Variants in TBC1D23 observed in about 807,000 individuals in gnomAD.
TBC1D23 encodes the protein TBC1 domain family member 23, also known as HCV non-structural protein 4A-transactivated protein 1.
In TBC1D23, 55 loss-of-function variants were observed where a neutral mutation model predicts 91.4. The ratio of observed to expected loss-of-function variants is 0.60; its 90% CI spans 0.48 to 0.75. The LOEUF (loss-of-function observed/expected upper bound fraction) is 0.75. Among genes scored for constraint, TBC1D23 ranks in the 30% least tolerant of loss-of-function variants. TBC1D23 has a pLI of 0.00. For synonymous variants in TBC1D23, 289 were observed against 281.0 expected (o/e 1.03, Z -0.28); for missense variants, 725 against 836.1 (o/e 0.87, Z 1.64).
chr3:100,314,195 T>C (rs1457713811), intron 15 of TBC1D23, among the ~76,000 whole-genome samples: 2 of 143,032 alleles, frequency 1.4e-5, no homozygotes, highest in Non-Finnish European at 3.0e-5. Context: ...GCCTCCTGGG[T>C]TCAAGTGATT....
At chr3:100,264,871 G>A (rs1380508325) in intron 1 of TBC1D23, among the ~76,000 whole-genome samples, 1 of 152,042 alleles carries the variant, frequency 6.6e-6, no homozygotes, top group Non-Finnish European at 1.5e-5. Flanking sequence ...AATTATCTGG[G>A]GAGCTTGTTA....
At position 100,290,570 on chromosome 3, in the gene TBC1D23, T is replaced by C; in HGVS notation, c.477-8T>C. 6.2e-7 allele frequency: 1 copy of C among 1,611,872 alleles called. No homozygotes were observed. Among genetic ancestry groups the C allele is most frequent in the Non-Finnish European group, 8.5e-7 (1 of 1,179,356 alleles). ...ATGCAAAAAAATTTTGCTTCTCTTGTCTTCTAGGGATTGTTCCCAGAAAGG... is the reference window on the plus strand; with the variant it reads ...ATGCAAAAAAATTTTGCTTCTCTTGCCTTCTAGGGATTGTTCCCAGAAAGG... On this transcript the variant is annotated splice_polypyrimidine_tract_variant and splice_region_variant and intron_variant, in intron 4 of 18. Transcript: ENST00000394144.
At chr3:100,319,353 A>G (rs1705809377) in intron 17 of TBC1D23, 149 bp downstream of exon 17, 3 of 665,156 alleles carry the variant, frequency 4.5e-6, no homozygotes, top group Non-Finnish European at 7.4e-6. Context: ...TTGAATTTAC[A>G]GTATTATGTA....
rs146649001 is a variant in TBC1D23, at chr3:100,324,488, T to C, written c.*820T>C. 89 of 152,356 alleles carry C rather than the reference T, an allele frequency of 5.8e-4. No homozygotes were observed. Among genetic ancestry groups the C allele is most frequent in the African/African-American group, 1.9e-3 (77 of 41,592 alleles). 9.4% of individuals were successfully genotyped at this position (152,356 alleles called of 1,614,324 possible). A position where few individuals can be genotyped will look rare whatever the true frequency, so the allele number is the denominator to read the frequency against. ...TTTTAAAACAAATGTTTAAGCCACA[T>C]TGATTTATCCTCATTGAGGATTATG... On this transcript the variant is annotated 3_prime_UTR_variant, in exon 19 of 19. Transcript: ENST00000394144.
At chr3:100,315,795 G>T (rs1297851998) in intron 15 of TBC1D23, 3 of 317,242 alleles carry the variant, frequency 9.5e-6, no homozygotes, top group South Asian at 4.9e-5. Flanking sequence ...AATAACTTCC[G>T]CAAGGCCAAA....
In TBC1D23 at chr3:100,283,750, C is replaced by T. The variant is rs759893615; in HGVS notation, c.415C>T (p.Gln139Ter). 6.2e-7 allele frequency: 1 copy of T among 1,613,464 alleles called. No individual in the cohort carries two copies. The highest frequency in any genetic ancestry group is 1.3e-5 in the African/African-American group (1 of 75,022). The stretch of plus-strand genomic sequence containing the variant: ...TCTACTGAAACCATTGGTGCATCTT[C>T]AACTGCCACGCAGCGATTTATACAA... ...IHLLKPLVHL[Q>*]LPRSDLYNCF... The change falls in exon 4 of 19, where the codon CAA (glutamine) becomes TAA (stop). Residue 139 changes from glutamine (Q) to a stop codon, truncating the protein, a stop_gained. Coordinates refer to ENST00000394144, the MANE Select transcript of TBC1D23 (RefSeq NM_001199198.3). LOFTEE classifies it high-confidence loss of function.
chr3:100,301,054 C>A (rs560026317), intron 10 of TBC1D23, among the ~76,000 whole-genome samples: 1 of 152,114 alleles, frequency 6.6e-6, no homozygotes, highest in East Asian at 1.9e-4. Context: ...CATTTGACAT[C>A]TTTTTATACA....
In TBC1D23 at chr3:100,306,483, T is replaced by A. The variant is rs1348228379; in HGVS notation, c.1353T>A (p.Asn451Lys). 6.2e-7 allele frequency: 1 copy of A among 1,613,036 alleles called. No homozygotes were observed. The highest frequency in any genetic ancestry group is 1.7e-5 in the Admixed American group (1 of 59,992). ...LADINVDGPE[N>K]GYGHWIASTS... ...ACATTAATGTGGATGGACCAGAAAA[T>A]GGATATGGCCATTGGATTGCTAGTA... The change falls in exon 13 of 19, where the codon AAT (asparagine) becomes AAA (lysine). Residue 451 changes from asparagine (N) to lysine (K), a missense_variant. Coordinates refer to ENST00000394144, the MANE Select transcript of TBC1D23 (RefSeq NM_001199198.3).
chr3:100,307,546 C>G (rs1045548877), intron 13 of TBC1D23, among the ~76,000 whole-genome samples: 1 of 152,178 alleles, frequency 6.6e-6, no homozygotes, highest in Admixed American at 6.5e-5. Flanking sequence ...GTAGTTATTA[C>G]GAAATTGTAA....
At chr3:100,313,168 T>G (rs1705659618) in intron 15 of TBC1D23, among the ~76,000 whole-genome samples, 1 of 152,178 alleles carries the variant, frequency 6.6e-6, no homozygotes, top group Non-Finnish European at 1.5e-5. Flanking sequence ...ATTGCTTGTT[T>G]TAAAATTACA....
At chr3:100,292,329 C>G (rs111645788) in intron 5 of TBC1D23, among the ~76,000 whole-genome samples, 1 of 152,160 alleles carries the variant, frequency 6.6e-6, no homozygotes, top group South Asian at 2.1e-4. Flanking sequence ...ATGTTCATAT[C>G]CTTTTATTAT....
rs200870879 is a variant in TBC1D23 at position 100,283,809 on chromosome 3, C to G, written c.474C>G (p.Pro158=). 1.3e-6 allele frequency: 2 copies of G among 1,595,976 alleles called. No individual in the cohort carries two copies. Among genetic ancestry groups the G allele is most frequent in the East Asian group, 2.2e-5 (1 of 44,764 alleles). ...CFYAIMNKYI[P]RDCSQKGRPF... ...ATGCCATAATGAATAAGTACATTCC[C>G]AGGTAAAATATGATTCAGTTATTGT... The change falls in exon 4 of 19, where the codon CCC becomes CCG. Residue 158 remains proline (P), a splice_region_variant and synonymous_variant. Coordinates refer to ENST00000394144, the MANE Select transcript of TBC1D23 (RefSeq NM_001199198.3).
intron 13 of TBC1D23, among the ~76,000 whole-genome samples, chr3:100,309,512 G>A (rs1039607778): frequency 1.3e-5 from 2 of 151,504 alleles, no homozygotes; most frequent in South Asian, 2.1e-4. Context: ...GATAAGAAAG[G>A]TCAGTAGTTT....
intron 10 of TBC1D23, among the ~76,000 whole-genome samples, chr3:100,300,893 T>C (rs1705413334): frequency 1.3e-5 from 2 of 152,198 alleles, no homozygotes. Flanking sequence ...TGCCACTTGA[T>C]TTTTCACGTA....
chr3:100,267,225 T>C (rs2067564572), intron 1 of TBC1D23: 1 of 451,866 alleles, frequency 2.2e-6, no homozygotes, highest in African/African-American at 2.0e-5. Flanking sequence ...GAGTTAAATA[T>C]TGAGAATTAC....
chr3:100,308,181 A>G (rs1006097832), intron 13 of TBC1D23, among the ~76,000 whole-genome samples: 4 of 152,204 alleles, frequency 2.6e-5, no homozygotes, highest in Admixed American at 2.0e-4. Context: ...CATTTCTTCT[A>G]AAAATGAAAG....
chr3:100,299,189 T>C, intron 9 of TBC1D23, 50 bp from the exon 10 acceptor site: 1 of 1,219,146 alleles, frequency 8.2e-7, no homozygotes, highest in South Asian at 1.2e-5. Flanking sequence ...TGTTGTGCAA[T>C]GTGAACCTCA....
chr3:100,283,154 C>T (rs947720291), intron 3 of TBC1D23, among the ~76,000 whole-genome samples: 8 of 152,190 alleles, frequency 5.3e-5, no homozygotes, highest in Admixed American at 5.2e-4. Context: ...AGGCAGATCA[C>T]CTGAGGTCAG....
At chr3:100,261,633 C>T (rs547749775) in intron 1 of TBC1D23, 1 of 151,352 alleles carries the variant, frequency 6.6e-6, no homozygotes, top group African/African-American at 2.4e-5. Flanking sequence ...CATCTTTTCC[C>T]CTACTACCAC....
Sources: allele counts gnomAD v4.1 joint callset (sites outside exome capture counted in the v4.1 genomes callset), GRCh38; gene constraint gnomAD v4.1.1; transcripts MANE v1.5; gene names NCBI Gene and HGNC (gene_info 2026-07-23, HGNC 2026-07-21).